Variants in MTMR8 observed in about 807,000 individuals in gnomAD.
MTMR8 encodes the protein phosphatidylinositol-3,5-bisphosphate 3-phosphatase MTMR8.
A neutral mutation model predicts 39.3 loss-of-function variants in MTMR8; 65 were observed. That is an observed-to-expected ratio of 1.65 (90% CI 1.35 to 2.03). The LOEUF (loss-of-function observed/expected upper bound fraction) is 2.03. MTMR8 is among the 30% of genes most tolerant of loss of function. MTMR8 has a pLI of 0.00. For synonymous variants in MTMR8, 245 were observed against 185.2 expected (o/e 1.32, Z -2.62); for missense variants, 777 against 538.9 (o/e 1.44, Z -4.37).
intron 8 of MTMR8, among the ~76,000 whole-genome samples, chrX:64,338,357 G>A (rs901632239): frequency 3.6e-5 from 4 of 112,262 alleles, no homozygotes; most frequent in Admixed American, 1.9e-4. Context: ...TATAACAAAG[G>A]CACAAAAGAT....
chrX:64,353,763 A>C (rs1923545097), intron 4 of MTMR8, among the ~76,000 whole-genome samples: 2 of 110,350 alleles, frequency 1.8e-5, no homozygotes, highest in African/African-American at 6.6e-5. Context: ...CCATCTCTAC[A>C]AAAAATGAAA....
chrX:64,357,238 T>G (rs1341658894), intron 2 of MTMR8, among the ~76,000 whole-genome samples: 2 of 111,354 alleles, frequency 1.8e-5, no homozygotes, highest in African/African-American at 6.5e-5. Context: ...CTCTTTCCAT[T>G]CTCTAGACTC....
At chrX:64,275,704 A>T (rs1931859199) in intron 12 of MTMR8, among the ~76,000 whole-genome samples, 1 of 110,145 alleles carries the variant, frequency 9.1e-6, no homozygotes, top group African/African-American at 3.3e-5. Flanking sequence ...TTGGAAAAAA[A>T]TATTTCCAAA....
Position 64,268,307 on chromosome X carries a change from C to T in MTMR8, c.*230G>A, listed in dbSNP as rs1931671254. ...AGAGGCAACATTTCTATAGTTAAAT[C>T]CCATTTTAGAACAATAACATATTCT... is the stretch of plus-strand genomic sequence containing the variant. On this transcript the variant is annotated 3_prime_UTR_variant, in exon 14 of 14. Transcript: ENST00000374852. 2.7e-6 allele frequency: 1 copy of T among 370,397 alleles called. No homozygotes were observed. The allele number at this position is 370,397 out of a possible 1,213,427, so 30.5% of individuals were successfully genotyped here. A position where few individuals can be genotyped will look rare whatever the true frequency, so the allele number is the denominator to read the frequency against.
intron 12 of MTMR8, among the ~76,000 whole-genome samples, chrX:64,308,175 A>G (rs1350557658): frequency 9.0e-6 from 1 of 110,724 alleles, no homozygotes; most frequent in African/African-American, 3.3e-5. Flanking sequence ...ATAAAAAGAG[A>G]ATTAGCTAAG....
intron 8 of MTMR8, among the ~76,000 whole-genome samples, chrX:64,341,659 C>T (rs184036705): frequency 1.8e-3 from 204 of 111,214 alleles, no homozygotes; most frequent in Middle Eastern, 9.4e-3. Flanking sequence ...ATCATAAATT[C>T]AGTTCCTCAG....
chrX:64,369,089 G>T (rs971721174), intron 1 of MTMR8, among the ~76,000 whole-genome samples: 8 of 111,920 alleles, frequency 7.1e-5, no homozygotes, highest in Non-Finnish European at 1.5e-4. Context: ...AGTTAGAATG[G>T]TTATCATTAA....
Position 64,356,077 on chromosome X carries a change from G to A in MTMR8, c.310+99C>T, listed in dbSNP as rs1004347194. 3 of 883,960 alleles carry A rather than the reference G, an allele frequency of 3.4e-6. No homozygotes were observed. The African/African-American group carries it at 6.2e-5, about 18-fold the overall frequency. The allele number at this position is 883,960 out of a possible 1,213,427, so 72.8% of individuals were successfully genotyped here. ...TGGAGCTAATAAGTGGTACAGCCCA[G>A]ATCCAAACCCTCCTCTGACTCCATA... On this transcript the variant is annotated intron_variant, in intron 3 of 13. Transcript: ENST00000374852.
chrX:64,346,541 A>T (rs1315371529), intron 6 of MTMR8, among the ~76,000 whole-genome samples: 4 of 109,574 alleles, frequency 3.7e-5, no homozygotes, highest in African/African-American at 3.3e-5. Context: ...GCTTCAGCAA[A>T]AATAATAATA....
At chrX:64,316,545 G>A (rs1327066621) in intron 12 of MTMR8, among the ~76,000 whole-genome samples, 1 of 111,423 alleles carries the variant, frequency 9.0e-6, no homozygotes, top group South Asian at 3.8e-4. Flanking sequence ...CTACTCAGGA[G>A]GCTGAGGCAG....
intron 12 of MTMR8, among the ~76,000 whole-genome samples, chrX:64,278,723 C>A (rs757646507): frequency 6.4e-5 from 7 of 110,231 alleles, no homozygotes; most frequent in Non-Finnish European, 1.1e-4. Flanking sequence ...CTGCCCGCCT[C>A]GGCCTTCCAA....
At chrX:64,280,901 C>T (rs1253330415) in intron 12 of MTMR8, among the ~76,000 whole-genome samples, 1 of 110,755 alleles carries the variant, frequency 9.0e-6, no homozygotes, top group Admixed American at 9.7e-5. Context: ...CTATACCACC[C>T]CCAACAGACA....
chrX:64,301,482 A>T (rs1225187777), intron 12 of MTMR8, among the ~76,000 whole-genome samples: 38 of 105,926 alleles, frequency 3.6e-4, no homozygotes, highest in African/African-American at 1.2e-3. Context: ...ATTCTTCTAA[A>T]TTTTTTTCAA....
At chrX:64,364,292 G>T (rs773038142) in intron 1 of MTMR8, among the ~76,000 whole-genome samples, 3 of 112,558 alleles carry the variant, frequency 2.7e-5, no homozygotes, top group Non-Finnish European at 3.8e-5. Context: ...CTTCAAGTGG[G>T]TTCCTGACCA....
intron 12 of MTMR8, among the ~76,000 whole-genome samples, chrX:64,299,137 T>G (rs1271202097): frequency 1.2e-5 from 1 of 83,579 alleles, no homozygotes; most frequent in Admixed American, 1.4e-4. Flanking sequence ...TTGATTGGAA[T>G]AGTTTCAGAA....
chrX:64,288,802 G>A (rs957088576), intron 12 of MTMR8, among the ~76,000 whole-genome samples: 1 of 110,416 alleles, frequency 9.1e-6, no homozygotes, highest in Non-Finnish European at 1.9e-5. Context: ...GTCACTCATA[G>A]GTGGGAAATG....
chrX:64,316,090 T>A (rs1922458570), intron 12 of MTMR8, among the ~76,000 whole-genome samples: 1 of 111,990 alleles, frequency 8.9e-6, no homozygotes, highest in Non-Finnish European at 1.9e-5. Flanking sequence ...ACATTTAGAA[T>A]CATATCAGAT....
At chrX:64,390,581 C>T (rs1045857953) in intron 1 of MTMR8, among the ~76,000 whole-genome samples, 3 of 112,092 alleles carry the variant, frequency 2.7e-5, no homozygotes, top group Admixed American at 9.4e-5. Context: ...TGGACCATCA[C>T]TAGATGATCT....
intron 12 of MTMR8, among the ~76,000 whole-genome samples, chrX:64,312,663 T>C (rs1374965150): frequency 8.9e-6 from 1 of 112,654 alleles, no homozygotes; most frequent in African/African-American, 3.2e-5. Flanking sequence ...ACTTGGCCCA[T>C]GTACATTGGA....
Sources: gnomAD v4.1 joint callset for allele counts (sites outside exome capture counted in the v4.1 genomes callset) on GRCh38, gnomAD v4.1.1 for gene constraint, MANE v1.5 for transcripts, NCBI Gene and HGNC (gene_info 2026-07-23, HGNC 2026-07-21) for gene names.